KHDRBS3: variants seen among roughly 807,000 people sequenced by gnomAD.
KHDRBS3 encodes KH domain-containing, RNA-binding, signal transduction-associated protein 3.
Under a neutral mutation model 45.6 loss-of-function variants are expected in KHDRBS3, and 23 were observed. The observed-to-expected ratio is 0.50, with a 90% CI of 0.36 to 0.72. KHDRBS3 has a LOEUF of 0.72. KHDRBS3 is among the 30% of genes least tolerant of loss of function. KHDRBS3 has a pLI of 0.00. For synonymous variants in KHDRBS3, 162 were observed against 156.5 expected (o/e 1.04, Z -0.26); for missense variants, 352 against 424.8 (o/e 0.83, Z 1.51).
intron 7 of KHDRBS3, among the ~76,000 whole-genome samples, chr8:135,614,631 C>CA: frequency 6.6e-6 from 1 of 150,510 alleles, no homozygotes; most frequent in African/African-American, 2.5e-5. Context: ...TAGACATCAA[C>CA]AAAAAACAAG....
At chr8:135,481,232 A>ATC in intron 1 of KHDRBS3, among the ~76,000 whole-genome samples, 2 of 58,794 alleles carry the variant, frequency 3.4e-5, no homozygotes, top group Non-Finnish European at 6.0e-5. Context: ...CGATATATAT[A>ATC]TATATATATA....
At chr8:135,545,440 A>G (rs974793503) in intron 3 of KHDRBS3, among the ~76,000 whole-genome samples, 9 of 152,156 alleles carry the variant, frequency 5.9e-5, no homozygotes, top group Admixed American at 4.6e-4. Flanking sequence ...CCAGACGTCA[A>G]TGTGTTCTCA....
intron 5 of KHDRBS3, among the ~76,000 whole-genome samples, chr8:135,558,152 T>C (rs1826982728): frequency 1.3e-5 from 2 of 152,314 alleles, no homozygotes; most frequent in South Asian, 4.1e-4. Context: ...ACCAAGTCAG[T>C]GCCCACATGC....
intron 6 of KHDRBS3, among the ~76,000 whole-genome samples, chr8:135,591,183 C>T (rs1405316225): frequency 6.6e-6 from 1 of 152,150 alleles, no homozygotes; most frequent in African/African-American, 2.4e-5. Context: ...ATTTAAAGCC[C>T]AGCGTTCTGG....
chr8:135,565,509 T>G (rs1262198729), intron 5 of KHDRBS3, among the ~76,000 whole-genome samples: 1 of 152,234 alleles, frequency 6.6e-6, no homozygotes, highest in Non-Finnish European at 1.5e-5. Flanking sequence ...AGCAGATAGC[T>G]TGATTGAACT....
At chr8:135,500,096 A>G (rs1823657400) in intron 1 of KHDRBS3, among the ~76,000 whole-genome samples, 1 of 152,192 alleles carries the variant, frequency 6.6e-6, no homozygotes, top group Non-Finnish European at 1.5e-5. Context: ...AATTGAAGAA[A>G]GTATATCACT....
intron 7 of KHDRBS3, 70 bp from the exon 8 acceptor site, chr8:135,644,989 A>G: frequency 4.0e-6 from 6 of 1,504,406 alleles, no homozygotes; most frequent in Non-Finnish European, 5.5e-6. Context: ...GTTTTACAAT[A>G]CGTTATTGAA....
At chr8:135,564,321 G>A (rs1038233816) in intron 5 of KHDRBS3, among the ~76,000 whole-genome samples, 12 of 152,098 alleles carry the variant, frequency 7.9e-5, no homozygotes, top group Non-Finnish European at 1.3e-4. Flanking sequence ...CTGATCCCAT[G>A]GTTTGAGAAG....
chr8:135,591,702 G>T (rs975428493), intron 6 of KHDRBS3, among the ~76,000 whole-genome samples: 12 of 152,188 alleles, frequency 7.9e-5, no homozygotes, highest in African/African-American at 2.9e-4. Context: ...GTATTTTTTA[G>T]TATACATGTT....
At chr8:135,481,336 T>G (rs1405373860) in intron 1 of KHDRBS3, among the ~76,000 whole-genome samples, 1 of 151,156 alleles carries the variant, frequency 6.6e-6, no homozygotes, top group Admixed American at 6.6e-5. Context: ...CATATTCTTA[T>G]GGACTCAGTT....
At chr8:135,495,159 T>G (rs963626626) in intron 1 of KHDRBS3, among the ~76,000 whole-genome samples, 2 of 152,208 alleles carry the variant, frequency 1.3e-5, no homozygotes, top group African/African-American at 4.8e-5. Flanking sequence ...TTTGATAAGA[T>G]TTTGATTGTT....
At chr8:135,564,589 G>A (rs1285264479) in intron 5 of KHDRBS3, among the ~76,000 whole-genome samples, 3 of 152,130 alleles carry the variant, frequency 2.0e-5, no homozygotes, top group African/African-American at 7.2e-5. Flanking sequence ...ATTTGGGGAA[G>A]CGTCTTTATG....
intron 1 of KHDRBS3, among the ~76,000 whole-genome samples, chr8:135,511,791 C>T (rs1824300849): frequency 6.6e-6 from 1 of 152,182 alleles, no homozygotes; most frequent in Non-Finnish European, 1.5e-5. Context: ...ATCTCCTGAC[C>T]TCGTAATCCG....
In KHDRBS3 at chr8:135,627,889, G is replaced by A. The variant is rs149123027; in HGVS notation, c.891-17170G>A. On this transcript the variant is annotated intron_variant, in intron 7 of 8. Transcript: ENST00000355849. The stretch of plus-strand genomic sequence containing the variant: ...GTAGTGATTGACAGTTAAATTAGAT[G>A]GTAGTGAAAAACAGGTGGTGTTGAA... 4.6e-3 allele frequency among the ~76,000 whole-genome samples: 697 copies of A among 152,068 alleles called. 30 individuals are homozygous for A. The highest frequency in any genetic ancestry group is 0.037 in the Admixed American group (573 of 15,284).
At chr8:135,631,273 A>AC (rs71298255) in intron 7 of KHDRBS3, among the ~76,000 whole-genome samples, 1 of 150,450 alleles carries the variant, frequency 6.6e-6, no homozygotes, top group African/African-American at 2.4e-5. Context: ...AAAAAAAAAA[A>AC]GGATTTTTCT....
chr8:135,630,538 T>C (rs1166918294), intron 7 of KHDRBS3, among the ~76,000 whole-genome samples: 1 of 129,058 alleles, frequency 7.7e-6, no homozygotes, highest in African/African-American at 2.7e-5. Context: ...TGGGATACAT[T>C]CTGAGAAATG....
chr8:135,564,275 AGT>A (rs1178870684), intron 5 of KHDRBS3, among the ~76,000 whole-genome samples: 5 of 152,222 alleles, frequency 3.3e-5, no homozygotes, highest in African/African-American at 9.6e-5. Context: ...TCTGAAAATA[AGT>A]GTGGATCAGG....
intron 6 of KHDRBS3, among the ~76,000 whole-genome samples, chr8:135,589,419 A>T (rs1828637229): frequency 6.6e-6 from 1 of 152,100 alleles, no homozygotes; most frequent in Non-Finnish European, 1.5e-5. Flanking sequence ...CCTTCCTGAG[A>T]CCTTTCATCC....
chr8:135,464,806 A>C (rs1821615658), intron 1 of KHDRBS3, among the ~76,000 whole-genome samples: 1 of 152,172 alleles, frequency 6.6e-6, no homozygotes, highest in Admixed American at 6.5e-5. Context: ...AGGTCACATA[A>C]TTTGCCTAAG....
Sources: gnomAD v4.1 joint callset for allele counts (sites outside exome capture counted in the v4.1 genomes callset) on GRCh38, gnomAD v4.1.1 for gene constraint, MANE v1.5 for transcripts, NCBI Gene and HGNC (gene_info 2026-07-23, HGNC 2026-07-21) for gene names.